Variants in ENTREP2 observed in about 807,000 individuals in gnomAD.
ENTREP2 encodes protein ENTREP2.
the ENTREP2 span, among the ~76,000 whole-genome samples, chr15:29,241,430 A>G: frequency 7.7e-6 from 1 of 129,412 alleles, no homozygotes; most frequent in Non-Finnish European, 1.7e-5. Context: ...ATATATGTGC[A>G]TACACAAAAA....
the ENTREP2 span, among the ~76,000 whole-genome samples, chr15:29,419,935 A>G: frequency 2.0e-5 from 3 of 152,222 alleles, no homozygotes; most frequent in Admixed American, 6.5e-5. Context: ...TGACCTAGAG[A>G]AAAACCCAAA....
At chr15:29,553,646 G>A in the ENTREP2 span, among the ~76,000 whole-genome samples, 26 of 152,308 alleles carry the variant, frequency 1.7e-4, no homozygotes, top group African/African-American at 6.0e-4. Context: ...AAAGCAAGCA[G>A]TTTCCACCTA....
At chr15:29,568,019 G>C in the ENTREP2 span, among the ~76,000 whole-genome samples, 2 of 152,194 alleles carry the variant, frequency 1.3e-5, no homozygotes, top group Admixed American at 6.5e-5. Context: ...ACCAATCTCA[G>C]AGGGCAGGCA....
the ENTREP2 span, among the ~76,000 whole-genome samples, chr15:29,651,155 A>C: frequency 2.0e-5 from 3 of 152,236 alleles, no homozygotes; most frequent in Non-Finnish European, 4.4e-5. Flanking sequence ...AACAACTAGA[A>C]GACCCATGCA....
chr15:29,322,391 T>C, the ENTREP2 span, among the ~76,000 whole-genome samples: 3 of 152,244 alleles, frequency 2.0e-5, no homozygotes, highest in African/African-American at 7.2e-5. Flanking sequence ...TTATCTAAGA[T>C]AAATTTTTTA....
At chr15:29,248,126 A>C in the ENTREP2 span, among the ~76,000 whole-genome samples, 2 of 152,244 alleles carry the variant, frequency 1.3e-5, no homozygotes, top group Non-Finnish European at 2.9e-5. Flanking sequence ...ATTTCAAATC[A>C]GCAGGGAAAT....
the ENTREP2 span, among the ~76,000 whole-genome samples, chr15:29,492,230 G>A: frequency 3.3e-5 from 5 of 152,198 alleles, no homozygotes; most frequent in African/African-American, 4.8e-5. Flanking sequence ...TAAAACTGGC[G>A]CAGTAATACT....
At chr15:29,151,846 G>C in the ENTREP2 span, 1 of 1,546,208 alleles carries the variant, frequency 6.5e-7, no homozygotes, top group Admixed American at 2.0e-5. Context: ...GAGATCCTGC[G>C]AGGAAAGGTG....
the ENTREP2 span, among the ~76,000 whole-genome samples, chr15:29,382,634 A>C: frequency 1.3e-5 from 2 of 151,368 alleles, no homozygotes; most frequent in African/African-American, 4.9e-5. Context: ...CCTCCTCCCT[A>C]CTGTCCTGAT....
At chr15:29,139,157 G>T in the ENTREP2 span, among the ~76,000 whole-genome samples, 3 of 152,102 alleles carry the variant, frequency 2.0e-5, no homozygotes, top group East Asian at 1.9e-4. Flanking sequence ...TTCTGAATGG[G>T]GTCAAGCGCT....
At chr15:29,343,070 AT>A in the ENTREP2 span, among the ~76,000 whole-genome samples, 2 of 150,354 alleles carry the variant, frequency 1.3e-5, no homozygotes, top group Non-Finnish European at 3.0e-5. Context: ...AGATCTCCAA[AT>A]GCATTGTGAA....
chr15:29,556,070 A>G, the ENTREP2 span, among the ~76,000 whole-genome samples: 1 of 152,220 alleles, frequency 6.6e-6, no homozygotes, highest in Non-Finnish European at 1.5e-5. Context: ...TCTGGGCAAC[A>G]TAACGAGACC....
At chr15:29,357,857 GA>G in the ENTREP2 span, among the ~76,000 whole-genome samples, 1,665 of 123,284 alleles carry the variant, frequency 0.014, 42 homozygotes, top group African/African-American at 0.042. Context: ...GAAAAGAAAA[GA>G]AAAAAAAAAA....
the ENTREP2 span, among the ~76,000 whole-genome samples, chr15:29,434,676 A>C: frequency 3.3e-5 from 5 of 152,260 alleles, no homozygotes; most frequent in East Asian, 9.7e-4. Flanking sequence ...ATGAATAACC[A>C]AACTACTTCC....
At chr15:29,352,917 T>G in the ENTREP2 span, among the ~76,000 whole-genome samples, 1 of 152,218 alleles carries the variant, frequency 6.6e-6, no homozygotes, top group Non-Finnish European at 1.5e-5. Context: ...CAGATTCTAT[T>G]AGTCAACATA....
chr15:29,334,324 G>A, the ENTREP2 span, among the ~76,000 whole-genome samples: 1 of 152,164 alleles, frequency 6.6e-6, no homozygotes. Context: ...TTCCATCGGA[G>A]ACTACGCGAC....
chr15:29,540,117 G>A, the ENTREP2 span, among the ~76,000 whole-genome samples: 1 of 152,030 alleles, frequency 6.6e-6, no homozygotes, highest in Non-Finnish European at 1.5e-5. Flanking sequence ...AGCCTTTCTG[G>A]GACCCTTATC....
At chr15:29,498,831 G>A in the ENTREP2 span, among the ~76,000 whole-genome samples, 1 of 151,916 alleles carries the variant, frequency 6.6e-6, no homozygotes, top group African/African-American at 2.4e-5. Flanking sequence ...TTATTTACGT[G>A]GTCTGATGTT....
chr15:29,385,836 C>T, the ENTREP2 span, among the ~76,000 whole-genome samples: 2 of 152,288 alleles, frequency 1.3e-5, no homozygotes, highest in African/African-American at 4.8e-5. Flanking sequence ...CCTCCCATGC[C>T]CCCCATCCTG....
Sources: gnomAD v4.1 joint callset for allele counts (sites outside exome capture counted in the v4.1 genomes callset) on GRCh38, gnomAD v4.1.1 for gene constraint, MANE v1.5 for transcripts, NCBI Gene and HGNC (gene_info 2026-07-23, HGNC 2026-07-21) for gene names.